Variants in ARHGAP8 observed in about 807,000 individuals in gnomAD.
The protein encoded by ARHGAP8 is Rho GTPase activating protein 8.
ARHGAP8 carries 62 observed loss-of-function variants against 46.1 expected under a neutral mutation model. That is an observed-to-expected ratio of 1.34 (90% CI 1.10 to 1.66). ARHGAP8 has a LOEUF of 1.66. ARHGAP8 is among the 40% of genes most tolerant of loss of function. The pLI is 0.00. For synonymous variants in ARHGAP8, 375 were observed against 243.1 expected, an observed-to-expected ratio of 1.54 and a Z score of -5.05; for missense variants, 923 against 568.4, an observed-to-expected ratio of 1.62 and a Z score of -6.34.
intron 1 of ARHGAP8, among the ~76,000 whole-genome samples, chr22:44,772,083 C>G (rs558485049): frequency 6.6e-6 from 1 of 151,948 alleles, no homozygotes; most frequent in East Asian, 1.9e-4. Flanking sequence ...TTCTTCTGTT[C>G]TTATTTTGCT....
intron 7 of ARHGAP8, among the ~76,000 whole-genome samples, chr22:44,833,775 A>T (rs1931112525): frequency 6.6e-6 from 1 of 152,200 alleles, no homozygotes; most frequent in African/African-American, 2.4e-5. Flanking sequence ...CACTGAAGCC[A>T]TCTGATCTTA....
chr22:44,770,094 A>AT (rs1282149275), intron 1 of ARHGAP8, among the ~76,000 whole-genome samples: 1 of 152,034 alleles, frequency 6.6e-6, no homozygotes, highest in African/African-American at 2.4e-5. Context: ...AAACACAAAA[A>AT]TTAGCCAGGC....
At chr22:44,840,496 C>G (rs1046322559) in intron 7 of ARHGAP8, among the ~76,000 whole-genome samples, 1 of 152,088 alleles carries the variant, frequency 6.6e-6, no homozygotes, top group African/African-American at 2.4e-5. Flanking sequence ...TGTCCGGTAT[C>G]TTAGTCTATT....
intron 5 of ARHGAP8, among the ~76,000 whole-genome samples, chr22:44,819,757 C>T (rs997427257): frequency 4.6e-5 from 7 of 152,210 alleles, no homozygotes; most frequent in African/African-American, 1.7e-4. Context: ...GTGCCAGCAC[C>T]GCAAAACAGT....
chr22:44,776,428 G>A (rs1028873069), intron 1 of ARHGAP8, among the ~76,000 whole-genome samples: 23 of 148,134 alleles, frequency 1.6e-4, no homozygotes, highest in Admixed American at 2.7e-4. Flanking sequence ...CTCCAGCCTG[G>A]ACAATAAGAG....
intron 2 of ARHGAP8, among the ~76,000 whole-genome samples, chr22:44,789,890 C>T (rs1045676372): frequency 1.3e-5 from 2 of 152,224 alleles, no homozygotes; most frequent in Non-Finnish European, 2.9e-5. Context: ...CCAGCTTTCT[C>T]ATCACTGGTG....
chr22:44,858,145 A>C (rs566212719), intron 10 of ARHGAP8, among the ~76,000 whole-genome samples: 7 of 152,256 alleles, frequency 4.6e-5, no homozygotes, highest in Non-Finnish European at 1.0e-4. Context: ...AGCCAACAGG[A>C]ATGATCATAG....
intron 4 of ARHGAP8, chr22:44,809,052 C>G (rs1215060728): frequency 2.2e-6 from 1 of 464,512 alleles, no homozygotes; most frequent in African/African-American, 2.0e-5. Context: ...GAACTCCAAG[C>G]TCAAGCGATC....
intron 3 of ARHGAP8, among the ~76,000 whole-genome samples, chr22:44,806,086 T>G (rs911171586): frequency 1.3e-5 from 2 of 152,114 alleles, no homozygotes; most frequent in African/African-American, 2.4e-5. Flanking sequence ...TTGGCCTCAG[T>G]TTCCCTCTCT....
intron 3 of ARHGAP8, among the ~76,000 whole-genome samples, chr22:44,806,585 A>T (rs1221353266): frequency 6.6e-6 from 1 of 152,070 alleles, no homozygotes; most frequent in Non-Finnish European, 1.5e-5. Context: ...GGTCATTGGG[A>T]GAATTAAACG....
intron 1 of ARHGAP8, among the ~76,000 whole-genome samples, chr22:44,772,276 A>G (rs554322394): frequency 1.1e-3 from 103 of 93,162 alleles, no homozygotes; most frequent in Non-Finnish European, 1.7e-3. Flanking sequence ...TCTGTTGCCC[A>G]GGCTGGAGTG....
intron 3 of ARHGAP8, among the ~76,000 whole-genome samples, 166 bp downstream of exon 3, chr22:44,802,330 G>T (rs1928618881): frequency 6.6e-6 from 1 of 152,228 alleles, no homozygotes; most frequent in African/African-American, 2.4e-5. Context: ...AGGGCCAACT[G>T]TGGACACCCC....
intron 7 of ARHGAP8, among the ~76,000 whole-genome samples, chr22:44,834,611 A>G (rs755872585): frequency 1.3e-4 from 20 of 152,112 alleles, no homozygotes; most frequent in Non-Finnish European, 2.5e-4. Flanking sequence ...TATAAATGTC[A>G]ATTAAGTCTA....
rs1007250835 is a variant in ARHGAP8 at position 44,848,942 on chromosome 22, G to A, written c.759G>A (p.Val253=). Residue 253 remains valine, a synonymous_variant, in exon 10 of 12, where the codon GTG becomes GTA. Coordinates refer to ENST00000356099, the MANE Select transcript of ARHGAP8 (RefSeq NM_181335.3). The part of the protein sequence containing the change: ...IQRLYNQGKP[V]NFDDYGDIHI... ...GTGTTGTGTGTGCAGGGAAGCCCGT[G>A]AACTTTGACGACTACGGGGACATTC... 3 of 1,614,010 alleles carry A rather than the reference G, an allele frequency of 1.9e-6. No individual in the cohort carries two copies. Among genetic ancestry groups the A allele is most frequent in the Admixed American group, 1.7e-5 (1 of 60,008 alleles).
At chr22:44,837,971 A>G (rs1931399804) in intron 7 of ARHGAP8, among the ~76,000 whole-genome samples, 1 of 151,728 alleles carries the variant, frequency 6.6e-6, no homozygotes, top group Admixed American at 6.6e-5. Context: ...AGAGTCTTTT[A>G]TTTTATTATT....
At chr22:44,820,074 T>A (rs891713501) in intron 5 of ARHGAP8, among the ~76,000 whole-genome samples, 1 of 121,416 alleles carries the variant, frequency 8.2e-6, no homozygotes, top group East Asian at 2.5e-4. Flanking sequence ...AGAGGAACTC[T>A]GAGGCCCTGG....
chr22:44,831,628 G>A (rs1324620892), intron 7 of ARHGAP8, among the ~76,000 whole-genome samples: 1 of 152,188 alleles, frequency 6.6e-6, no homozygotes, highest in Non-Finnish European at 1.5e-5. Context: ...GAACCTGGGA[G>A]GCGGAGGTTG....
intron 11 of ARHGAP8, among the ~76,000 whole-genome samples, chr22:44,861,159 A>C (rs570855716): frequency 6.6e-6 from 1 of 151,990 alleles, no homozygotes; most frequent in Non-Finnish European, 1.5e-5. Flanking sequence ...TTTAGTAGAG[A>C]TGGGGTTTCG....
chr22:44,800,270 AT>A (rs1057366219), intron 2 of ARHGAP8, among the ~76,000 whole-genome samples: 6 of 151,568 alleles, frequency 4.0e-5, no homozygotes, highest in Non-Finnish European at 7.4e-5. Flanking sequence ...CGCCTGGCTA[AT>A]TTTTTTGTAT....
Sources: allele counts gnomAD v4.1 joint callset (sites outside exome capture counted in the v4.1 genomes callset), GRCh38; gene constraint gnomAD v4.1.1; transcripts MANE v1.5; gene names NCBI Gene and HGNC (gene_info 2026-07-23, HGNC 2026-07-21).